Variants in KANK4 observed in about 807,000 individuals in gnomAD.
The protein encoded by KANK4 is KN motif and ankyrin repeat domains 4, also known as KN motif and ankyrin repeat domain-containing protein 4.
In KANK4, 50 loss-of-function variants were observed where a neutral mutation model predicts 80.8. That is an observed-to-expected ratio of 0.62 (90% confidence interval 0.49 to 0.78). The LOEUF is 0.78. KANK4 is among the 30% of genes least tolerant of loss of function. The probability of loss-of-function intolerance (pLI) is 0.00; values close to 1 mark genes in which losing one functional copy is unlikely to be tolerated. For synonymous variants in KANK4, 465 were observed against 506.9 expected (o/e 0.92, Z 1.11); for missense variants, 1,196 against 1,240.1 (o/e 0.96, Z 0.53).
At chr1:62,289,648 A>G (rs1178949833) in intron 1 of KANK4, among the ~76,000 whole-genome samples, 3 of 148,734 alleles carry the variant, frequency 2.0e-5, no homozygotes, top group African/African-American at 7.3e-5. Context: ...AGACAAAAAA[A>G]GGTCATAGTC....
intron 8 of KANK4, among the ~76,000 whole-genome samples, chr1:62,251,959 T>C (rs1570968882): frequency 7.1e-6 from 1 of 141,668 alleles, no homozygotes; most frequent in African/African-American, 2.6e-5. Flanking sequence ...GCCATTGCAC[T>C]CCAGTCTGGG....
intron 1 of KANK4, among the ~76,000 whole-genome samples, chr1:62,303,247 C>T (rs1391488649): frequency 6.6e-6 from 1 of 151,946 alleles, no homozygotes. Flanking sequence ...AGTCCCAAGA[C>T]AGGGTCAGAG....
At chr1:62,268,077 A>G (rs1672067794) in intron 5 of KANK4, among the ~76,000 whole-genome samples, 1 of 152,238 alleles carries the variant, frequency 6.6e-6, no homozygotes. Context: ...TTACAGGTAG[A>G]TATCGGCTGT....
At chr1:62,304,906 A>G (rs1471105928) in intron 1 of KANK4, among the ~76,000 whole-genome samples, 1 of 152,044 alleles carries the variant, frequency 6.6e-6, no homozygotes, top group East Asian at 1.9e-4. Context: ...GCTACCTACC[A>G]CTACTGTCCT....
At chr1:62,281,845 G>A (rs1348765493) in intron 1 of KANK4, among the ~76,000 whole-genome samples, 1 of 152,112 alleles carries the variant, frequency 6.6e-6, no homozygotes, top group Non-Finnish European at 1.5e-5. Context: ...AGCAATAGTT[G>A]ACATGAAAAG....
intron 1 of KANK4, among the ~76,000 whole-genome samples, chr1:62,286,754 T>A (rs1672577731): frequency 6.6e-6 from 1 of 152,100 alleles, no homozygotes; most frequent in Non-Finnish European, 1.5e-5. Flanking sequence ...CATCCTTCCC[T>A]ACCCCCTCCT....
At chr1:62,302,026 C>A (rs999998805) in intron 1 of KANK4, among the ~76,000 whole-genome samples, 1 of 152,012 alleles carries the variant, frequency 6.6e-6, no homozygotes, top group Non-Finnish European at 1.5e-5. Context: ...TGGGGTACAG[C>A]TCAGAAACAC....
chr1:62,248,608 C>T (rs190116220), intron 8 of KANK4, among the ~76,000 whole-genome samples: 383 of 150,970 alleles, frequency 2.5e-3, no homozygotes, highest in African/African-American at 8.8e-3. Context: ...TGCAATGGCA[C>T]GATCTCAGTT....
chr1:62,258,853 A>T (rs1424232897), intron 7 of KANK4, among the ~76,000 whole-genome samples: 2 of 152,192 alleles, frequency 1.3e-5, no homozygotes, highest in Admixed American at 1.3e-4. Flanking sequence ...AGGAGGTGAC[A>T]TTGGGGCTGT....
In KANK4 at chr1:62,274,185, T is replaced by A; in HGVS notation, c.919A>T (p.Ile307Phe). 6.2e-7 allele frequency: 1 copy of A among 1,614,148 alleles called. No individual in the cohort carries two copies. Among genetic ancestry groups the A allele is most frequent in the Non-Finnish European group, 8.5e-7 (1 of 1,180,032 alleles). Residue 307 changes from isoleucine (I) to phenylalanine (F), a missense_variant, in exon 3 of 10, where the codon ATC (isoleucine) becomes TTC (phenylalanine). By Grantham distance (21) the Ile-to-Phe change is conservative. Transcript: ENST00000371153. The part of the protein sequence containing the change: ...ELLLEEIELN[I>F]SEIPPPPPVE... ...GGTGGCGGGGGTGGAATCTCGCTGA[T>A]GTTGAGCTCGATTTCTTCCAGGAGG...
At chr1:62,271,721 C>A in intron 3 of KANK4, 132 bp from the exon 4 acceptor site, 1 of 642,466 alleles carries the variant, frequency 1.6e-6, no homozygotes, top group East Asian at 2.8e-5. Flanking sequence ...GGAACCAGAT[C>A]ATGTAAATCA....
At chr1:62,253,729 G>T (rs1196625633) in intron 7 of KANK4, among the ~76,000 whole-genome samples, 4 of 152,132 alleles carry the variant, frequency 2.6e-5, no homozygotes, top group African/African-American at 9.7e-5. Flanking sequence ...TACTTTTCTT[G>T]ACAAGTTTTC....
chr1:62,305,694 T>C (rs1385575426), intron 1 of KANK4, among the ~76,000 whole-genome samples: 1 of 152,032 alleles, frequency 6.6e-6, no homozygotes, highest in Non-Finnish European at 1.5e-5. Flanking sequence ...CAAGGTTCAC[T>C]GGCCCTCTGA....
At chr1:62,307,190 T>C (rs950333479) in intron 1 of KANK4, among the ~76,000 whole-genome samples, 2 of 152,010 alleles carry the variant, frequency 1.3e-5, no homozygotes, top group Non-Finnish European at 2.9e-5. Flanking sequence ...ACAATCAAAA[T>C]TTTCCTGAGG....
At chr1:62,306,772 C>T (rs1644455092) in intron 1 of KANK4, among the ~76,000 whole-genome samples, 1 of 152,152 alleles carries the variant, frequency 6.6e-6, no homozygotes, top group Admixed American at 6.5e-5. Flanking sequence ...GCCACCCCCT[C>T]CAACATACAC....
At chr1:62,280,830 C>T (rs1672435840) in intron 2 of KANK4, among the ~76,000 whole-genome samples, 1 of 152,218 alleles carries the variant, frequency 6.6e-6, no homozygotes, top group African/African-American at 2.4e-5. Flanking sequence ...GCAAAGATAG[C>T]CACAATAATA....
chr1:62,253,155 G>A lies in KANK4; in HGVS notation c.2594C>T (p.Thr865Ile), dbSNP rs143679738. 718 of 1,613,740 alleles carry A rather than the reference G, an allele frequency of 4.4e-4. 4 individuals carry two copies. In the African/African-American group the frequency reaches 8.8e-3, roughly 20 times the overall value. Residue 865 changes from threonine (T) to isoleucine (I), a missense_variant, in exon 8 of 10, where the codon ACT becomes ATT. Thr to Ile is a moderately conservative substitution (Grantham distance 89). Around this residue, in one of 3 missense-constraint regions of KANK4, gnomAD observed 1,154 missense variants for 1,179.6 expected, o/e 0.98. Coordinates refer to ENST00000371153, the MANE Select transcript of KANK4 (RefSeq NM_181712.5). ...NKAGYTAVMITPLASAETNED... is the reference protein window; with the variant it reads ...NKAGYTAVMIIPLASAETNED... The stretch of plus-strand genomic sequence containing the variant: ...ATTGGTCTCTGCGGAAGCCAAGGGA[G>A]TGATCATTACGGCAGTGTAGCCAGC...
Position 62,281,529 on chromosome 1 carries a change from C to A in KANK4, c.16+20G>T. The A allele has an allele frequency of 6.2e-7, 1 of 1,614,180 alleles. No homozygotes were observed. ...CCAAGTGCTTATCTTAAACCAGGCC[C>A]TACAAAGCAGCTTGCCTACCATCTG... On this transcript the variant is annotated intron_variant, in intron 2 of 9. Coordinates refer to ENST00000371153, the MANE Select transcript of KANK4 (RefSeq NM_181712.5).
Position 62,271,601 on chromosome 1 carries a change from C to T in KANK4, c.1901-12G>A. 1 of 1,569,608 alleles carries T rather than the reference C, an allele frequency of 6.4e-7. No individual in the cohort carries two copies. Among genetic ancestry groups the T allele is most frequent in the Non-Finnish European group, 8.8e-7 (1 of 1,139,686 alleles). On this transcript the variant is annotated splice_polypyrimidine_tract_variant and intron_variant, in intron 3 of 9. Coordinates refer to ENST00000371153, the MANE Select transcript of KANK4 (RefSeq NM_181712.5). ...CGATGGGGAGATCTCTAGGCAGACA[C>T]AACATCACAGGTTAGAATGATCTTG...
Sources: gnomAD v4.1 joint callset for allele counts (sites outside exome capture counted in the v4.1 genomes callset) on GRCh38, gnomAD v4.1.1 for gene constraint, gnomAD v4.1.1 regional missense constraint, MANE v1.5 for transcripts, NCBI Gene and HGNC (gene_info 2026-07-23, HGNC 2026-07-21) for gene names.